The following TRAPPC2 variants were observed in gnomAD, a reference collection of about 807,000 sequenced individuals.
The protein encoded by TRAPPC2 is trafficking protein particle complex subunit 2.
In TRAPPC2, 4 loss-of-function variants were observed where a neutral mutation model predicts 10.0. That is an observed-to-expected ratio of 0.40 (90% confidence interval 0.20 to 0.92). The LOEUF is 0.92. Among genes scored for constraint, TRAPPC2 ranks in the 40% least tolerant of loss-of-function variants. TRAPPC2 has a pLI of 0.35. For missense variants in TRAPPC2, 52 were observed against 108.7 expected, an observed-to-expected ratio of 0.48 and a Z score of 2.32; for synonymous variants, 36 against 37.3, an observed-to-expected ratio of 0.97 and a Z score of 0.12.
At position 13,712,845 on chromosome X, in the gene TRAPPC2, C is replaced by T. The variant is rs2084264682; in HGVS notation, c.*1562G>A. On this transcript the variant is annotated 3_prime_UTR_variant, in exon 6 of 6. Coordinates refer to ENST00000380579, the MANE Select transcript of TRAPPC2 (RefSeq NM_001011658.4). ...AACATCTCTAAATGCATAATGTCAA[C>T]GTATGTGCTATCACATTTCACTCCC... The T allele has an allele frequency of 1.8e-5, 2 of 112,120 alleles. No homozygotes were observed. The highest frequency in any genetic ancestry group is 9.5e-5 in the Admixed American group (1 of 10,571). The allele number at this position is 112,120 out of a possible 1,213,427, so 9.2% of individuals were successfully genotyped here. A position where few individuals can be genotyped will look rare whatever the true frequency, so the allele number is the denominator to read the frequency against.
In TRAPPC2 at chrX:13,714,265, A is replaced by T; in HGVS notation, c.*142T>A. 2.9e-6 allele frequency: 1 copy of T among 347,316 alleles called. No homozygotes were observed. The allele number at this position is 347,316 out of a possible 1,213,427, so 28.6% of individuals were successfully genotyped here. On this transcript the variant is annotated 3_prime_UTR_variant, in exon 6 of 6. Coordinates refer to ENST00000380579, the MANE Select transcript of TRAPPC2 (RefSeq NM_001011658.4). ...ATGAGACAGAATGTACTATTTTTAA[A>T]TATAAAAGGAATTTCATTAGGTTTA... is the stretch of plus-strand genomic sequence containing the variant.
At chrX:13,729,668 G>A (rs1053050524) in intron 2 of TRAPPC2, among the ~76,000 whole-genome samples, 8 of 111,886 alleles carry the variant, frequency 7.2e-5, no homozygotes, top group African/African-American at 1.9e-4. Context: ...CGGCACTTTG[G>A]GAGGCTGAGG....
intron 2 of TRAPPC2, among the ~76,000 whole-genome samples, chrX:13,725,804 C>T (rs1243293537): frequency 8.9e-6 from 1 of 112,026 alleles, no homozygotes; most frequent in African/African-American, 3.2e-5. Flanking sequence ...TAATAACAAA[C>T]TTCTCTGAGC....
chrX:13,716,812 C>T (rs1602709874), intron 3 of TRAPPC2, 134 bp from the exon 4 acceptor site: 11 of 505,324 alleles, frequency 2.2e-5, no homozygotes, highest in South Asian at 3.6e-5. Flanking sequence ...TTGTTATTGT[C>T]ATGAGACTTA....
chrX:13,713,103 CA>C lies in TRAPPC2; in HGVS notation c.*1303del, dbSNP rs35590746. 0.31 allele frequency: 21,493 copies of C among 68,802 alleles called. 2,617 individuals carry two copies. Among genetic ancestry groups the C allele is most frequent in the Admixed American group, 0.48 (2,800 of 5,808 alleles). 5.7% of individuals were successfully genotyped at this position (68,802 alleles called of 1,213,427 possible). ...TGGACAACAGAGCGAAACTCCATCT[CA>C]AAAAAAAAAAAAAAACCCCAAAGAT... is the stretch of plus-strand genomic sequence containing the variant. On this transcript the variant is annotated 3_prime_UTR_variant, in exon 6 of 6. Transcript: ENST00000380579.
chrX:13,715,958 C>A, intron 5 of TRAPPC2, 46 bp downstream of exon 5: 1 of 1,140,520 alleles, frequency 8.8e-7, no homozygotes, highest in South Asian at 2.0e-5. Flanking sequence ...TGACAAAGGT[C>A]GAATCCTTTC....
intron 3 of TRAPPC2, among the ~76,000 whole-genome samples, chrX:13,717,569 C>T (rs1029631787): frequency 9.1e-6 from 1 of 110,294 alleles, no homozygotes; most frequent in African/African-American, 3.3e-5. Context: ...TGGTGAAATC[C>T]CATCTCTACT....
chrX:13,712,657 C>A lies in TRAPPC2; in HGVS notation c.*1750G>T, dbSNP rs2046232691. On this transcript the variant is annotated 3_prime_UTR_variant, in exon 6 of 6. Coordinates refer to ENST00000380579, the MANE Select transcript of TRAPPC2 (RefSeq NM_001011658.4). ...CAACACACTTCACTGTGGCCTGCAA[C>A]TGCTCCCAGCGTCCTATTTTATAAA... 1 of 111,868 alleles carries A rather than the reference C, an allele frequency of 8.9e-6. No individual in the cohort carries two copies. The highest frequency in any genetic ancestry group is 3.3e-5 in the African/African-American group (1 of 30,730). 9.2% of individuals were successfully genotyped at this position (111,868 alleles called of 1,213,427 possible). A position where few individuals can be genotyped will look rare whatever the true frequency, so the allele number is the denominator to read the frequency against.
At chrX:13,722,984 A>C (rs2046457876) in intron 2 of TRAPPC2, among the ~76,000 whole-genome samples, 1 of 109,434 alleles carries the variant, frequency 9.1e-6, no homozygotes, top group Non-Finnish European at 1.9e-5. Context: ...AATGGTGTGA[A>C]CCTGGGAGGC....
chrX:13,716,390 G>A (rs2046286274), intron 4 of TRAPPC2, 144 bp downstream of exon 4: 4 of 761,108 alleles, frequency 5.3e-6, no homozygotes, highest in South Asian at 2.6e-5. Context: ...CCTAAAAAAA[G>A]AAAAGTAGCC....
At chrX:13,716,187 T>C in intron 4 of TRAPPC2, 98 bp from the exon 5 acceptor site, 1 of 933,580 alleles carries the variant, frequency 1.1e-6, no homozygotes, top group Non-Finnish European at 1.4e-6. Flanking sequence ...TGCAGTGTAT[T>C]TGTGATGGAA....
chrX:13,734,606 C>T lies in TRAPPC2; in HGVS notation c.-243G>A. 1 of 751,903 alleles carries T rather than the reference C, an allele frequency of 1.3e-6. No homozygotes were observed. Among genetic ancestry groups the T allele is most frequent in the Non-Finnish European group, 1.6e-6 (1 of 607,489 alleles). The allele number at this position is 751,903 out of a possible 1,213,427, so 62.0% of individuals were successfully genotyped here. A position where few individuals can be genotyped will look rare whatever the true frequency, so the allele number is the denominator to read the frequency against. On this transcript the variant is annotated 5_prime_UTR_variant, in exon 1 of 6. Transcript: ENST00000380579. ...CGCCCCGAACCTGTAGCCAGAACGC[C>T]GAAGCAGTTCTCGCGATACCCTGGG... is the stretch of plus-strand genomic sequence containing the variant.
rs1178609513 is a variant in TRAPPC2, at chrX:13,716,539, G to A, written c.233C>T (p.Ala78Val). 3 of 1,211,332 alleles carry A rather than the reference G, an allele frequency of 2.5e-6. No individual in the cohort carries two copies. The highest frequency in any genetic ancestry group is 1.1e-6 in the Non-Finnish European group (1 of 895,229). ...TACTAAGAAGGTAAGGATATGCCCC[G>A]CAGTGACAAATGCCGACACAAACCA... ...NEWFVSAFVT[A>V]GHMRFIMLHD... The change falls in exon 4 of 6, where the codon GCG becomes GTG. Residue 78 changes from alanine (A) to valine (V), a missense_variant. By Grantham distance (64) the Ala-to-Val change is moderately conservative (BLOSUM62 0). Coordinates refer to ENST00000380579, the MANE Select transcript of TRAPPC2 (RefSeq NM_001011658.4).
chrX:13,713,729 T>G lies in TRAPPC2; in HGVS notation c.*678A>C. 1 of 110,811 alleles carries G rather than the reference T, an allele frequency of 9.0e-6. No individual in the cohort carries two copies. Among genetic ancestry groups the G allele is most frequent in the Non-Finnish European group, 1.9e-5 (1 of 52,878 alleles). 9.1% of individuals were successfully genotyped at this position (110,811 alleles called of 1,213,427 possible). ...CGGGAGGCTGAAGAAGGAGAATTGC[T>G]TGAACCCGGGAGGTGGAGGTTGCAG... On this transcript the variant is annotated 3_prime_UTR_variant, in exon 6 of 6. Transcript: ENST00000380579.
chrX:13,714,318 C>T lies in TRAPPC2; in HGVS notation c.*89G>A. 2 of 536,451 alleles carry T rather than the reference C, an allele frequency of 3.7e-6. No individual in the cohort carries two copies. Among genetic ancestry groups the T allele is most frequent in the Non-Finnish European group, 5.7e-6 (2 of 349,080 alleles). The allele number at this position is 536,451 out of a possible 1,213,427, so 44.2% of individuals were successfully genotyped here. On this transcript the variant is annotated 3_prime_UTR_variant, in exon 6 of 6. Transcript: ENST00000380579. ...TAAGCTGAGAATACACAAAAGTTTTCCAGGCTATTTAATCAAGTAACTTAC... is the reference window on the plus strand; with the variant it reads ...TAAGCTGAGAATACACAAAAGTTTTTCAGGCTATTTAATCAAGTAACTTAC...
rs1459649846 is a variant in TRAPPC2, at chrX:13,714,253, T to A, written c.*154A>T. ...TTGATACGTGACATGAGACAGAATGTACTATTTTTAAATATAAAAGGAATT... is the reference window on the plus strand; with the variant it reads ...TTGATACGTGACATGAGACAGAATGAACTATTTTTAAATATAAAAGGAATT... On this transcript the variant is annotated 3_prime_UTR_variant, in exon 6 of 6. Coordinates refer to ENST00000380579, the MANE Select transcript of TRAPPC2 (RefSeq NM_001011658.4). The A allele has an allele frequency of 5.9e-6, 2 of 339,800 alleles. No individual in the cohort carries two copies. Among genetic ancestry groups the A allele is most frequent in the Middle Eastern group, 8.3e-4 (1 of 1,210 alleles). 28.0% of individuals were successfully genotyped at this position (339,800 alleles called of 1,213,427 possible).
At chrX:13,732,112 A>G (rs1187046215) in intron 2 of TRAPPC2, among the ~76,000 whole-genome samples, 1 of 112,252 alleles carries the variant, frequency 8.9e-6, no homozygotes, top group Non-Finnish European at 1.9e-5. Flanking sequence ...AAGCTAATCA[A>G]TTCTAGGTGG....
rs1336541689 is a variant in TRAPPC2 at position 13,719,867 on chromosome X, G to A, written c.93+4C>T. The A allele has an allele frequency of 4.3e-6, 5 of 1,166,326 alleles. No individual in the cohort carries two copies. Among genetic ancestry groups the A allele is most frequent in the African/African-American group, 3.6e-5 (2 of 56,009 alleles). On this transcript the variant is annotated splice_donor_region_variant and intron_variant, in intron 3 of 5. Coordinates refer to ENST00000380579, the MANE Select transcript of TRAPPC2 (RefSeq NM_001011658.4). ...ATTACAATAGCATAAAAATTCTTAC[G>A]TACTTTGGATTCTGCCTTCCCAGCT...
Position 13,731,120 on chromosome X carries a change from C to T in TRAPPC2, c.-20+2924G>A, listed in dbSNP as rs879114798. Among the ~76,000 whole-genome samples, 23 of 112,117 alleles carry T rather than the reference C, an allele frequency of 2.1e-4. No homozygotes were observed. In the Admixed American group the frequency reaches 2.1e-3, roughly 10 times the overall value. ...TTCAATAAATCCAAGTCATCAGGTCCTGACAAATTATATACCTTGGATTAA... is the reference window on the plus strand; with the variant it reads ...TTCAATAAATCCAAGTCATCAGGTCTTGACAAATTATATACCTTGGATTAA... On this transcript the variant is annotated intron_variant, in intron 2 of 5. Transcript: ENST00000380579.
Sources: allele counts gnomAD v4.1 joint callset (sites outside exome capture counted in the v4.1 genomes callset), GRCh38; gene constraint gnomAD v4.1.1; transcripts MANE v1.5; gene names NCBI Gene and HGNC (gene_info 2026-07-23, HGNC 2026-07-21).